Variants in KLB observed in about 807,000 individuals in gnomAD.
KLB encodes the protein beta-klotho.
In KLB, 44 loss-of-function variants were observed where a neutral mutation model predicts 88.4. The ratio of observed to expected loss-of-function variants is 0.50; its 90% CI spans 0.39 to 0.64. The LOEUF (loss-of-function observed/expected upper bound fraction) is 0.64. Among genes scored for constraint, KLB ranks in the 30% least tolerant of loss-of-function variants. KLB has a pLI of 0.00. For synonymous variants in KLB, 548 were observed against 513.4 expected, an observed-to-expected ratio of 1.07 and a Z score of -0.91; for missense variants, 1,137 against 1,304.8, an observed-to-expected ratio of 0.87 and a Z score of 1.98.
chr4:39,431,753 C>G (rs750900350), intron 1 of KLB, among the ~76,000 whole-genome samples: 2 of 152,192 alleles, frequency 1.3e-5, no homozygotes, highest in African/African-American at 4.8e-5. Context: ...CACCCCTTAC[C>G]TCAATGCCTA....
At chr4:39,428,295 A>G (rs1330656166) in intron 1 of KLB, among the ~76,000 whole-genome samples, 5 of 151,906 alleles carry the variant, frequency 3.3e-5, no homozygotes, top group African/African-American at 1.2e-4. Context: ...GGGTGTGGTG[A>G]TGGGTGCCTG....
Position 39,445,504 on chromosome 4 carries a change from C to CTT in KLB, c.1606-813_1606-812dup, listed in dbSNP as rs10634518. Among the ~76,000 whole-genome samples the CTT allele has an allele frequency of 1.0e-3, 134 of 131,694 alleles. 5 individuals carry two copies. Among genetic ancestry groups the CTT allele is most frequent in the Middle Eastern group, 4.2e-3 (1 of 238 alleles). 86.4% of individuals were successfully genotyped at this position (131,694 alleles called of 152,430 possible). On this transcript the variant is annotated intron_variant, in intron 3 of 4. Coordinates refer to ENST00000257408, the MANE Select transcript of KLB (RefSeq NM_175737.4). ...GTGTTATCACTTGAACTTTTCTTTT[C>CTT]TTTTTTTTTTTTTTTTGAGATGGAG...
intron 1 of KLB, among the ~76,000 whole-genome samples, chr4:39,431,623 T>A (rs1288363643): frequency 6.6e-6 from 1 of 152,198 alleles, no homozygotes; most frequent in African/African-American, 2.4e-5. Flanking sequence ...CAATGAAAAT[T>A]GAGTAAGGAC....
intron 1 of KLB, among the ~76,000 whole-genome samples, chr4:39,408,388 T>A (rs934196189): frequency 6.6e-6 from 1 of 152,178 alleles, no homozygotes; most frequent in African/African-American, 2.4e-5. Flanking sequence ...AAAGCAATTT[T>A]CAAGCAATAT....
chr4:39,431,364 G>A (rs1002696971), intron 1 of KLB, among the ~76,000 whole-genome samples: 2 of 152,146 alleles, frequency 1.3e-5, no homozygotes, highest in African/African-American at 4.8e-5. Context: ...CGATTCTCCT[G>A]CCTCGGCCTT....
rs534161096 is a variant in KLB, at chr4:39,418,955, A to G, written c.825+11181A>G. Among the ~76,000 whole-genome samples the G allele has an allele frequency of 3.0e-4, 46 of 151,860 alleles. No individual in the cohort carries two copies. The South Asian group carries it at 8.5e-3, about 28-fold the overall frequency. On this transcript the variant is annotated intron_variant, in intron 1 of 4. Transcript: ENST00000257408. ...AAAGATGCCATCTCTAAAAAAAAAA[A>G]AAAAAAGAAAAAAGAAATACTGACC...
At position 39,447,272 on chromosome 4, in the gene KLB, T is replaced by C. The variant is rs1207927743; in HGVS notation, c.2546T>C (p.Phe849Ser). 6.2e-7 allele frequency: 1 copy of C among 1,614,098 alleles called. No individual in the cohort carries two copies. The change falls in exon 4 of 5, where the codon TTT (phenylalanine) becomes TCT (serine). Residue 849 changes from phenylalanine to serine, a missense_variant. Transcript: ENST00000257408. ...TACGACTCGGACAGGGACATCCAGT[T>C]TCTGCAGGACATCACCCGCCTGAGC... ...SRYDSDRDIQ[F>S]LQDITRLSSP...
chr4:39,433,716 C>T (rs1186148298), intron 1 of KLB, among the ~76,000 whole-genome samples: 2 of 152,076 alleles, frequency 1.3e-5, no homozygotes, highest in African/African-American at 4.8e-5. Context: ...AAAAATTAGT[C>T]GAGCGTCGTG....
chr4:39,442,434 C>A (rs1368876929), intron 3 of KLB, among the ~76,000 whole-genome samples: 1 of 145,110 alleles, frequency 6.9e-6, no homozygotes, highest in Non-Finnish European at 1.5e-5. Flanking sequence ...GCCTCTCTCC[C>A]CTTTTTTTTT....
chr4:39,419,302 A>C (rs1480407311), intron 1 of KLB, among the ~76,000 whole-genome samples: 2 of 152,176 alleles, frequency 1.3e-5, no homozygotes, highest in Non-Finnish European at 2.9e-5. Flanking sequence ...TGATATGAGC[A>C]CTCTCATACA....
intron 3 of KLB, among the ~76,000 whole-genome samples, chr4:39,440,301 C>G (rs767990641): frequency 6.6e-6 from 1 of 150,496 alleles, no homozygotes; most frequent in Non-Finnish European, 1.5e-5. Context: ...CCCGCCACCA[C>G]GCCCAGCTAA....
intron 1 of KLB, among the ~76,000 whole-genome samples, chr4:39,433,237 G>T (rs1260479511): frequency 2.0e-5 from 3 of 152,106 alleles, no homozygotes; most frequent in South Asian, 2.1e-4. Flanking sequence ...TTTCAGAAAG[G>T]TTAAGTGACT....
chr4:39,422,543 C>T (rs1026971683), intron 1 of KLB, among the ~76,000 whole-genome samples: 8 of 152,146 alleles, frequency 5.3e-5, no homozygotes, highest in African/African-American at 1.9e-4. Context: ...AGAGTATACA[C>T]ACAACACCTG....
Position 39,446,259 on chromosome 4 carries a change from G to T in KLB, c.1606-73G>T, listed in dbSNP as rs926984768. 5 of 1,385,266 alleles carry T rather than the reference G, an allele frequency of 3.6e-6. No homozygotes were observed. In the East Asian group the frequency reaches 1.2e-4, roughly 32 times the overall value. The allele number at this position is 1,385,266 out of a possible 1,614,324, so 85.8% of individuals were successfully genotyped here. On this transcript the variant is annotated intron_variant, in intron 3 of 4. Transcript: ENST00000257408. The surrounding 1 kb of genome is among the most constrained non-coding windows in gnomAD (Gnocchi z 6.4). Reference sequence around the variant, plus strand: ...GCCTGTAATCCCAGCACTTTGGGAGGCAGAGGTAGGCAGATCACTTGAGCC... The same window carrying T: ...GCCTGTAATCCCAGCACTTTGGGAGTCAGAGGTAGGCAGATCACTTGAGCC...
At chr4:39,430,916 T>G (rs1743344113) in intron 1 of KLB, among the ~76,000 whole-genome samples, 1 of 23,528 alleles carries the variant, frequency 4.3e-5, no homozygotes, top group South Asian at 2.9e-3. Context: ...GGTTGGAAAG[T>G]TTTTTTTTTT....
At chr4:39,408,417 A>G (rs527449126) in intron 1 of KLB, among the ~76,000 whole-genome samples, 26 of 152,310 alleles carry the variant, frequency 1.7e-4, no homozygotes, top group East Asian at 1.5e-3. Flanking sequence ...AGCTAGAGAT[A>G]ATGTTGAGAA....
chr4:39,437,627 C>T lies in KLB; in HGVS notation c.1337-100C>T, dbSNP rs1308010649. 7 of 1,339,882 alleles carry T rather than the reference C, an allele frequency of 5.2e-6. No individual in the cohort carries two copies. The East Asian group carries it at 9.3e-5, about 18-fold the overall frequency. The allele number at this position is 1,339,882 out of a possible 1,614,324, so 83.0% of individuals were successfully genotyped here. A position where few individuals can be genotyped will look rare whatever the true frequency, so the allele number is the denominator to read the frequency against. ...AGACCTGAAAATTAGGGCAAAGGTT[C>T]GTTTTACAATATGCTGTCCTCTGGC... On this transcript the variant is annotated intron_variant, in intron 2 of 4. Transcript: ENST00000257408.
chr4:39,407,815 C>T (rs779548395), intron 1 of KLB, 41 bp downstream of exon 1: 1 of 1,196,958 alleles, frequency 8.4e-7, no homozygotes, highest in African/African-American at 1.5e-5. Context: ...TCAGAAAACA[C>T]TAAGAATTTA....
intron 1 of KLB, among the ~76,000 whole-genome samples, chr4:39,414,182 A>T (rs1397136378): frequency 2.0e-5 from 3 of 152,160 alleles, no homozygotes; most frequent in Admixed American, 6.6e-5. Context: ...GGACATTGAC[A>T]TGTAACCAGT....
Sources: allele counts gnomAD v4.1 joint callset (sites outside exome capture counted in the v4.1 genomes callset), GRCh38; gene constraint gnomAD v4.1.1; non-coding constraint Gnocchi (gnomAD v3.1); transcripts MANE v1.5; gene names NCBI Gene and HGNC (gene_info 2026-07-23, HGNC 2026-07-21).